QRICH1: variants seen among roughly 807,000 people sequenced by gnomAD.
QRICH1 encodes transcriptional regulator QRICH1.
QRICH1 carries 16 observed loss-of-function variants against 87.1 expected under a neutral mutation model. The observed-to-expected ratio is 0.18, with a 90% CI of 0.12 to 0.28. QRICH1 has a LOEUF of 0.28. QRICH1 is among the 10% of genes least tolerant of loss of function. The probability of loss-of-function intolerance (pLI) is 1.00; values close to 1 mark genes in which losing one functional copy is unlikely to be tolerated. For missense variants in QRICH1, 647 were observed against 951.7 expected (o/e 0.68, Z 4.21); for synonymous variants, 367 against 368.4 (o/e 1.00, Z 0.05).
chr3:49,078,441 C>G (rs1177308825), intron 1 of QRICH1, among the ~76,000 whole-genome samples: 1 of 115,176 alleles, frequency 8.7e-6, no homozygotes, highest in Non-Finnish European at 1.6e-5. Context: ...GTTGCCCAGG[C>G]TGGAGTGCAG....
intron 1 of QRICH1, among the ~76,000 whole-genome samples, chr3:49,087,240 A>G (rs2107038225): frequency 7.6e-6 from 1 of 131,736 alleles, no homozygotes; most frequent in African/African-American, 2.9e-5. Context: ...CCGGGCAACA[A>G]GAGCAAAACT....
intron 2 of QRICH1, among the ~76,000 whole-genome samples, chr3:49,074,971 T>TC (rs1395846613): frequency 6.6e-6 from 1 of 151,904 alleles, no homozygotes; most frequent in East Asian, 1.9e-4. Flanking sequence ...AGAGCGAGAC[T>TC]CCATCTTAAA....
intron 8 of QRICH1, 172 bp from the exon 9 acceptor site, chr3:49,032,445 TG>T: frequency 1.1e-6 from 1 of 902,060 alleles, no homozygotes. Context: ...CTATTCTGTC[TG>T]GGGCTTCTCT....
chr3:49,051,587 C>CA (rs2093370836), intron 3 of QRICH1, among the ~76,000 whole-genome samples: 1 of 122,826 alleles, frequency 8.1e-6, no homozygotes, highest in Non-Finnish European at 1.7e-5. Flanking sequence ...CCCCTGCGCC[C>CA]CCCCCCCCCT....
chr3:49,089,791 G>A (rs2042238647), intron 1 of QRICH1, among the ~76,000 whole-genome samples: 1 of 152,202 alleles, frequency 6.6e-6, no homozygotes. Flanking sequence ...GGGCTACGGA[G>A]ATGGTAAATG....
intron 2 of QRICH1, among the ~76,000 whole-genome samples, chr3:49,059,665 G>A (rs376572276): frequency 1.3e-5 from 2 of 150,710 alleles, no homozygotes; most frequent in Non-Finnish European, 3.0e-5. Flanking sequence ...CTTGTGATCC[G>A]CTCACCTTGG....
At chr3:49,067,427 G>A (rs2093474902) in intron 2 of QRICH1, among the ~76,000 whole-genome samples, 1 of 151,644 alleles carries the variant, frequency 6.6e-6, no homozygotes, top group South Asian at 2.1e-4. Flanking sequence ...AATTAGCTGG[G>A]TGTGGTGGTG....
intron 6 of QRICH1, among the ~76,000 whole-genome samples, chr3:49,040,230 GTA>G (rs2093302170): frequency 6.6e-6 from 1 of 152,234 alleles, no homozygotes; most frequent in Admixed American, 6.5e-5. Flanking sequence ...GTAGAGTGAT[GTA>G]GTCACTCATG....
chr3:49,086,671 A>C (rs1219292541), intron 1 of QRICH1, among the ~76,000 whole-genome samples: 1 of 152,064 alleles, frequency 6.6e-6, no homozygotes, highest in Non-Finnish European at 1.5e-5. Context: ...GACAAAGGTT[A>C]CTCCAAAACA....
intron 1 of QRICH1, among the ~76,000 whole-genome samples, chr3:49,080,129 G>A (rs1394821145): frequency 6.6e-6 from 1 of 152,088 alleles, no homozygotes; most frequent in African/African-American, 2.4e-5. Flanking sequence ...GCTCAAAAGG[G>A]GACAAAGGAG....
At chr3:49,046,312 C>A in intron 5 of QRICH1, 113 bp downstream of exon 5, 1 of 1,183,070 alleles carries the variant, frequency 8.5e-7, no homozygotes, top group Non-Finnish European at 1.2e-6. Context: ...CACTGTATAC[C>A]TGAAAGAGAA....
At chr3:49,035,519 T>G (rs1282023463) in intron 6 of QRICH1, among the ~76,000 whole-genome samples, 1 of 152,130 alleles carries the variant, frequency 6.6e-6, no homozygotes, top group Non-Finnish European at 1.5e-5. Flanking sequence ...TGTAATAAAC[T>G]TGGCTGGGTG....
chr3:49,045,043 T>C (rs1347406341), intron 5 of QRICH1, among the ~76,000 whole-genome samples: 2 of 152,038 alleles, frequency 1.3e-5, no homozygotes, highest in African/African-American at 4.8e-5. Context: ...TATTCTATTA[T>C]ACTGTGGGTT....
At chr3:49,070,489 G>C (rs981967085) in intron 2 of QRICH1, among the ~76,000 whole-genome samples, 27 of 152,100 alleles carry the variant, frequency 1.8e-4, no homozygotes, top group Non-Finnish European at 3.4e-4. Flanking sequence ...GCCCAGGATG[G>C]AGTGCAGTGG....
At position 49,046,413 on chromosome 3, in the gene QRICH1, T is replaced by A. The variant is rs958967631; in HGVS notation, c.1671+12A>T. The stretch of plus-strand genomic sequence containing the variant: ...CAGCTCAAACATGTTCTTGTGAAGA[T>A]CTGTTTCCTACCTTTTGAATACACA... On this transcript the variant is annotated intron_variant, in intron 5 of 9. Transcript: ENST00000395443. 6.2e-7 allele frequency: 1 copy of A among 1,607,750 alleles called. No individual in the cohort carries two copies.
Position 49,030,192 on chromosome 3 carries a change from A to T in QRICH1, c.*260T>A, listed in dbSNP as rs1202981909. 2.0e-6 allele frequency: 1 copy of T among 508,856 alleles called. No homozygotes were observed. Among genetic ancestry groups the T allele is most frequent in the East Asian group, 3.4e-5 (1 of 29,796 alleles). The allele number at this position is 508,856 out of a possible 1,614,324, so 31.5% of individuals were successfully genotyped here. On this transcript the variant is annotated 3_prime_UTR_variant, in exon 10 of 10. Coordinates refer to ENST00000395443, the MANE Select transcript of QRICH1 (RefSeq NM_198880.3). ...CCTTTCCCCAGGCCCCAGACAAAAA[A>T]GAGTCAGCCAGCAACTTTCTAGGAC...
At chr3:49,058,580 C>G (rs1268348459) in intron 2 of QRICH1, among the ~76,000 whole-genome samples, 1 of 152,146 alleles carries the variant, frequency 6.6e-6, no homozygotes, top group African/African-American at 2.4e-5. Flanking sequence ...CCCACCTCGG[C>G]CTCCCAAAGT....
At chr3:49,070,211 A>AT (rs1016242466) in intron 2 of QRICH1, among the ~76,000 whole-genome samples, 1 of 151,476 alleles carries the variant, frequency 6.6e-6, no homozygotes, top group African/African-American at 2.4e-5. Context: ...TGATTTTTGT[A>AT]TTTTTTAGCA....
intron 9 of QRICH1, among the ~76,000 whole-genome samples, chr3:49,030,922 T>C (rs1575316457): frequency 6.6e-6 from 1 of 151,848 alleles, no homozygotes; most frequent in South Asian, 2.1e-4. Context: ...CATGGACTCA[T>C]GTGAGTCTAT....
Sources: allele counts gnomAD v4.1 joint callset (sites outside exome capture counted in the v4.1 genomes callset), GRCh38; gene constraint gnomAD v4.1.1; transcripts MANE v1.5; gene names NCBI Gene and HGNC (gene_info 2026-07-23, HGNC 2026-07-21).